Variants in DCP2 observed in about 807,000 individuals in gnomAD.
The protein encoded by DCP2 is m7GpppN-mRNA hydrolase.
In DCP2, 30 loss-of-function variants were observed where a neutral mutation model predicts 56.1. The ratio of observed to expected loss-of-function variants is 0.53; its 90% CI spans 0.40 to 0.73. The LOEUF is 0.73. Ranked by LOEUF, DCP2 falls within the 30% of genes least tolerant of loss-of-function variation. The pLI is 0.00. For missense variants in DCP2, 533 were observed against 502.7 expected, an observed-to-expected ratio of 1.06 and a Z score of -0.58; for synonymous variants, 197 against 163.3, an observed-to-expected ratio of 1.21 and a Z score of -1.57.
intron 1 of DCP2, among the ~76,000 whole-genome samples, chr5:112,977,921 G>A (rs1398371090): frequency 2.0e-5 from 3 of 151,800 alleles, no homozygotes; most frequent in Non-Finnish European, 4.4e-5. Context: ...TTTTTTTAAT[G>A]GAAAGTAAAG....
intron 1 of DCP2, among the ~76,000 whole-genome samples, chr5:112,978,951 C>T (rs1747862215): frequency 1.3e-5 from 2 of 152,062 alleles, no homozygotes; most frequent in Admixed American, 1.3e-4. Flanking sequence ...GCTAGTCTTC[C>T]TTCTAGTATT....
At chr5:112,983,061 A>C (rs1278119268) in intron 1 of DCP2, among the ~76,000 whole-genome samples, 2 of 152,228 alleles carry the variant, frequency 1.3e-5, no homozygotes, top group Non-Finnish European at 2.9e-5. Context: ...AGTTGGGCTC[A>C]AGGATTTCAC....
At chr5:112,984,725 T>TATATATATATATATA (rs1157313721) in intron 1 of DCP2, 17 of 135,588 alleles carry the variant, frequency 1.3e-4, no homozygotes, top group African/African-American at 2.8e-4. Context: ...TATATATATA[T>TATATATATATATATA]TTGAGACAGT....
intron 4 of DCP2, among the ~76,000 whole-genome samples, chr5:112,997,056 C>T (rs1379985315): frequency 2.0e-5 from 3 of 152,222 alleles, no homozygotes; most frequent in Non-Finnish European, 2.9e-5. Context: ...AGGGGACTTC[C>T]TTATCATGCT....
intron 8 of DCP2, among the ~76,000 whole-genome samples, chr5:113,004,531 A>T (rs566551769): frequency 3.9e-5 from 6 of 152,234 alleles, no homozygotes; most frequent in Non-Finnish European, 8.8e-5. Flanking sequence ...TAACACTGTT[A>T]ATGCACATTT....
At chr5:112,991,863 T>G (rs1748610000) in intron 2 of DCP2, among the ~76,000 whole-genome samples, 1 of 152,168 alleles carries the variant, frequency 6.6e-6, no homozygotes, top group Admixed American at 6.5e-5. Flanking sequence ...GTGTGTAGGC[T>G]ACAAATGAAA....
chr5:113,011,500 C>A (rs1749679567), intron 10 of DCP2, among the ~76,000 whole-genome samples: 1 of 152,138 alleles, frequency 6.6e-6, no homozygotes, highest in Non-Finnish European at 1.5e-5. Context: ...ATGAAATTTC[C>A]TGTGCAGTAG....
intron 1 of DCP2, among the ~76,000 whole-genome samples, chr5:112,979,334 C>G (rs73227402): frequency 0.013 from 1,959 of 152,112 alleles, 32 homozygotes; most frequent in African/African-American, 0.045. Context: ...ATATTTATAG[C>G]TTTGATTAAT....
At chr5:113,008,348 A>G (rs1252468745) in intron 9 of DCP2, 1 of 205,820 alleles carries the variant, frequency 4.9e-6, no homozygotes, top group African/African-American at 2.3e-5. Context: ...GTTTTTCTAA[A>G]TATTATTTCA....
In DCP2 at chr5:112,976,910, C is replaced by G. The variant is rs750708630; in HGVS notation, c.-24C>G. 28 of 1,613,558 alleles carry G rather than the reference C, an allele frequency of 1.7e-5. No individual in the cohort carries two copies. The highest frequency in any genetic ancestry group is 2.2e-5 in the Non-Finnish European group (26 of 1,179,554). ...CCCGGCCGCGCGGAGCCGGGATGCA[C>G]TGTTCCTGCTGTGGGTCCTCATCAT... On this transcript the variant is annotated 5_prime_UTR_variant, in exon 1 of 11. Transcript: ENST00000389063.
intron 1 of DCP2, among the ~76,000 whole-genome samples, chr5:112,982,265 G>A (rs529320976): frequency 2.6e-5 from 4 of 151,906 alleles, no homozygotes; most frequent in South Asian, 2.1e-4. Context: ...TCATACTTTC[G>A]ACAGAATCCT....
intron 7 of DCP2, among the ~76,000 whole-genome samples, chr5:113,003,335 C>T (rs779344986): frequency 2.5e-4 from 38 of 152,156 alleles, no homozygotes; most frequent in Non-Finnish European, 5.1e-4. Flanking sequence ...ATCTTGTGCC[C>T]TTTAATTTTA....
chr5:113,008,013 C>CAGA lies in DCP2; in HGVS notation c.1020_1021insAAG (p.Gln340_Pro341insLys), dbSNP rs777865599. ...TCAAAAGAAAAGAACAAATGGGCTT[C>CAGA]AGCCAGCAAAGCAGCAGAATTCTTT... On this transcript the variant is annotated inframe_insertion, in exon 9 of 11. Coordinates refer to ENST00000389063, the MANE Select transcript of DCP2 (RefSeq NM_152624.6). The CAGA allele has an allele frequency of 6.2e-7, 1 of 1,614,044 alleles. No individual in the cohort carries two copies. The highest frequency in any genetic ancestry group is 1.1e-5 in the South Asian group (1 of 91,080).
At chr5:112,988,326 A>AAAAAAAATAC (rs1384519327) in intron 2 of DCP2, among the ~76,000 whole-genome samples, 3 of 150,546 alleles carry the variant, frequency 2.0e-5, no homozygotes, top group Non-Finnish European at 4.4e-5. Flanking sequence ...ACTAAAAAAA[A>AAAAAAAATAC]AAAAAAATAC....
At chr5:112,984,439 C>T (rs1278263775) in intron 1 of DCP2, 2 of 151,844 alleles carry the variant, frequency 1.3e-5, no homozygotes, top group Non-Finnish European at 2.9e-5. Context: ...TAACCATACC[C>T]AACTATATTG....
intron 1 of DCP2, among the ~76,000 whole-genome samples, chr5:112,980,322 A>T (rs1350501841): frequency 1.3e-5 from 2 of 152,250 alleles, no homozygotes; most frequent in Admixed American, 1.3e-4. Context: ...ATTTTCTGGC[A>T]ACTAGTGTTG....
intron 2 of DCP2, among the ~76,000 whole-genome samples, chr5:112,986,821 G>A (rs1039901490): frequency 6.6e-6 from 1 of 152,002 alleles, no homozygotes; most frequent in South Asian, 2.1e-4. Context: ...GCATCATGGC[G>A]AAACCTCATC....
At position 113,013,959 on chromosome 5, in the gene DCP2, G is replaced by A. The variant is rs1220512640; in HGVS notation, c.*475G>A. The A allele has an allele frequency of 6.6e-6, 1 of 152,668 alleles. No homozygotes were observed. Among genetic ancestry groups the A allele is most frequent in the African/African-American group, 2.4e-5 (1 of 41,452 alleles). 9.5% of individuals were successfully genotyped at this position (152,668 alleles called of 1,614,324 possible). ...TCAGCATTACAGGTGATCTATTTTG[G>A]TGGCATTTTGTACTTCTCTCTGCTT... On this transcript the variant is annotated 3_prime_UTR_variant, in exon 11 of 11. Transcript: ENST00000389063.
chr5:112,997,613 CTTTTTTTTT>C (rs555386404), intron 4 of DCP2, among the ~76,000 whole-genome samples: 1 of 140,864 alleles, frequency 7.1e-6, no homozygotes, highest in Non-Finnish European at 1.5e-5. Flanking sequence ...TTTTCTTTTT[CTTTTTTTTT>C]TTTTTGAGAC....
Sources: allele counts gnomAD v4.1 joint callset (sites outside exome capture counted in the v4.1 genomes callset), GRCh38; gene constraint gnomAD v4.1.1; transcripts MANE v1.5; gene names NCBI Gene and HGNC (gene_info 2026-07-23, HGNC 2026-07-21).